CEP152: variants seen among roughly 807,000 people sequenced by gnomAD.
CEP152 encodes centrosomal protein of 152 kDa.
A neutral mutation model predicts 188.9 loss-of-function variants in CEP152; 132 were observed. The ratio of observed to expected loss-of-function variants is 0.70; its 90% CI spans 0.61 to 0.81. The LOEUF is 0.81. CEP152 is among the 30% of genes least tolerant of loss of function. The probability of loss-of-function intolerance (pLI) is 0.00; values close to 1 mark genes in which losing one functional copy is unlikely to be tolerated. For synonymous variants in CEP152, 649 were observed against 666.6 expected (o/e 0.97, Z 0.41); for missense variants, 1,914 against 1,969.8 (o/e 0.97, Z 0.54).
chr15:48,791,731 A>C (rs1163257769), intron 7 of CEP152, among the ~76,000 whole-genome samples: 2 of 151,780 alleles, frequency 1.3e-5, no homozygotes, highest in African/African-American at 4.8e-5. Context: ...TGGCCAGGCT[A>C]GTCTCGAACT....
At chr15:48,809,736 A>G (rs1898207984) in intron 1 of CEP152, among the ~76,000 whole-genome samples, 1 of 152,258 alleles carries the variant, frequency 6.6e-6, no homozygotes, top group African/African-American at 2.4e-5. Flanking sequence ...TAAAGTAATT[A>G]GCACTATGTA....
In CEP152 at chr15:48,766,729, G is replaced by A. The variant is rs146869435; in HGVS notation, c.2280+331C>T. On this transcript the variant is annotated intron_variant, in intron 17 of 26. Coordinates refer to ENST00000380950, the MANE Select transcript of CEP152 (RefSeq NM_001194998.2). ...CTCACAGGACTACATAGGGTTTCCTGAACAGTCAACACCGAAAATGAGGAT... is the reference window on the plus strand; with the variant it reads ...CTCACAGGACTACATAGGGTTTCCTAAACAGTCAACACCGAAAATGAGGAT... Among the ~76,000 whole-genome samples, 289 of 150,804 alleles carry A rather than the reference G, an allele frequency of 1.9e-3. 1 individual carries two copies. Among genetic ancestry groups the A allele is most frequent in the African/African-American group, 6.6e-3 (273 of 41,058 alleles).
chr15:48,750,684 C>T (rs907031002), intron 21 of CEP152, among the ~76,000 whole-genome samples: 3 of 152,010 alleles, frequency 2.0e-5, no homozygotes, highest in African/African-American at 7.3e-5. Context: ...AGAGCTATTG[C>T]ATCAACACAG....
rs150910683 is a variant in CEP152, at chr15:48,738,468, T to C, written c.4914A>G (p.Pro1638=). The change falls in exon 27 of 27, where the codon CCA becomes CCG. Residue 1638 remains proline (P), a synonymous_variant. Coordinates refer to ENST00000380950, the MANE Select transcript of CEP152 (RefSeq NM_001194998.2). ...AATACGTGGTTTCTTCTGACAGGTA[T>C]GGAGTTTGATAACGCTGACATTTCA... is the stretch of plus-strand genomic sequence containing the variant. ...QTMKCQRYQT[P]YLSEETTYLE... 7.9e-4 allele frequency: 1,277 copies of C among 1,614,240 alleles called. 5 individuals carry two copies. In the African/African-American group the frequency reaches 0.015, roughly 19 times the overall value.
chr15:48,765,220 A>T (rs1457551293), intron 17 of CEP152, among the ~76,000 whole-genome samples: 2 of 152,182 alleles, frequency 1.3e-5, no homozygotes, highest in Non-Finnish European at 2.9e-5. Flanking sequence ...GAGGAGTGTA[A>T]CCACAAAAAG....
At chr15:48,730,159 G>C (rs79760845) in intron 2 of CEP152, among the ~76,000 whole-genome samples, 1 of 152,112 alleles carries the variant, frequency 6.6e-6, no homozygotes. Flanking sequence ...CTCCCATTCC[G>C]CTCCCCAGCT....
At chr15:48,778,857 G>A (rs1457758813) in intron 12 of CEP152, among the ~76,000 whole-genome samples, 1 of 151,760 alleles carries the variant, frequency 6.6e-6, no homozygotes, top group Non-Finnish European at 1.5e-5. Flanking sequence ...GCTGAGGCAG[G>A]AGAATTGCTT....
At chr15:48,805,685 T>C (rs1897943623) in intron 1 of CEP152, 29 bp from the exon 2 acceptor site, 2 of 1,613,256 alleles carry the variant, frequency 1.2e-6, no homozygotes, top group South Asian at 2.2e-5. Context: ...GTTTGGTTTC[T>C]GGACACCACA....
intron 21 of CEP152, among the ~76,000 whole-genome samples, chr15:48,749,048 T>C (rs1307000324): frequency 6.6e-6 from 1 of 152,054 alleles, no homozygotes. Context: ...CACAAGGACA[T>C]AGGAGCCAGT....
chr15:48,760,309 A>C, intron 18 of CEP152, 43 bp from the exon 19 acceptor site: 2 of 1,611,044 alleles, frequency 1.2e-6, no homozygotes, highest in Non-Finnish European at 1.7e-6. Flanking sequence ...GAAGTATAAA[A>C]CTTAAAAAAG....
chr15:48,781,076 A>C lies in CEP152; in HGVS notation c.1577+120T>G. The C allele has an allele frequency of 2.3e-6, 2 of 866,614 alleles. 1 individual carries two copies. Among genetic ancestry groups the C allele is most frequent in the South Asian group, 2.9e-5 (2 of 67,932 alleles). 53.7% of individuals were successfully genotyped at this position (866,614 alleles called of 1,614,324 possible). A position where few individuals can be genotyped will look rare whatever the true frequency, so the allele number is the denominator to read the frequency against. ...TCACTGATAAATGCAAGGTATCTGC[A>C]TTCAATACACAGTGTTAACATATGA... On this transcript the variant is annotated intron_variant, in intron 12 of 26. Coordinates refer to ENST00000380950, the MANE Select transcript of CEP152 (RefSeq NM_001194998.2).
At chr15:48,801,820 G>A (rs1011209964) in intron 2 of CEP152, among the ~76,000 whole-genome samples, 1 of 152,212 alleles carries the variant, frequency 6.6e-6, no homozygotes, top group Admixed American at 6.5e-5. Flanking sequence ...GGGGCTGGGT[G>A]CAGTGGCTCA....
downstream of CEP152, among the ~76,000 whole-genome samples, chr15:48,736,610 G>A (rs918639504): frequency 1.3e-5 from 2 of 151,980 alleles, no homozygotes; most frequent in Admixed American, 1.3e-4. Flanking sequence ...AATAGAATTA[G>A]GTTACCTTGT....
rs1341835478 is a variant in CEP152, at chr15:48,738,408, G to C, written c.4974C>G (p.His1658Gln). The change falls in exon 27 of 27, where the codon CAC becomes CAG. Residue 1658 changes from histidine to glutamine, a missense_variant. By Grantham distance (24) the His-to-Gln change is conservative. Coordinates refer to ENST00000380950, the MANE Select transcript of CEP152 (RefSeq NM_001194998.2). Reference protein sequence around the residue: ...EPGKISVNCGHPSRHKADRLK... With the variant: ...EPGKISVNCGQPSRHKADRLK... ...ATCTATCAGCCTTATGACGAGATGG[G>C]TGTCCACAATTCACACTGATCTTTC... is the stretch of plus-strand genomic sequence containing the variant. 1 of 1,614,170 alleles carries C rather than the reference G, an allele frequency of 6.2e-7. No individual in the cohort carries two copies.
At chr15:48,731,818 G>A (rs1409423847) in intron 2 of CEP152, among the ~76,000 whole-genome samples, 1 of 152,022 alleles carries the variant, frequency 6.6e-6, no homozygotes, top group African/African-American at 2.4e-5. Context: ...AGATTTACAA[G>A]GAACTTAAAC....
intron 20 of CEP152, among the ~76,000 whole-genome samples, chr15:48,753,777 T>C (rs192701624): frequency 1.3e-5 from 2 of 152,340 alleles, no homozygotes; most frequent in African/African-American, 4.8e-5. Context: ...CCATTTGATA[T>C]TTGTTTTATC....
chr15:48,805,402 C>G, intron 2 of CEP152, 161 bp downstream of exon 2: 1 of 885,548 alleles, frequency 1.1e-6, no homozygotes, highest in Non-Finnish European at 1.6e-6. Flanking sequence ...CACTTATTCA[C>G]CTTTTCAGTC....
At position 48,781,344 on chromosome 15, in the gene CEP152, G is replaced by A. The variant is rs1182257655; in HGVS notation, c.1429C>T (p.Leu477=). Residue 477 remains leucine (L), a synonymous_variant, in exon 12 of 27, where the codon CTA becomes TTA. Transcript: ENST00000380950. ...TCATAGAGAGAAATTTCATCTTTTAGTTCTGTTAATTCTTCCTACAACACA... is the reference window on the plus strand; with the variant it reads ...TCATAGAGAGAAATTTCATCTTTTAATTCTGTTAATTCTTCCTACAACACA... The part of the protein sequence containing the change: ...NKALQEELTE[L]KDEISLYESA... 6.2e-7 allele frequency: 1 copy of A among 1,605,938 alleles called. No homozygotes were observed.
chr15:48,768,969 T>C lies in CEP152; in HGVS notation c.1895A>G (p.Gln632Arg). The stretch of plus-strand genomic sequence containing the variant: ...ATTTTTAATCACCTGATTTTGTTGT[T>C]GTAAAACTTGAATTTCATTTTTAAG... ...LLLKNEIQVL[Q>R]QQNQELKETE... The change falls in exon 14 of 27, where the codon CAA (glutamine) becomes CGA (arginine). Residue 632 changes from glutamine (Q) to arginine (R), a missense_variant. By Grantham distance (43) the Gln-to-Arg change is conservative. Coordinates refer to ENST00000380950, the MANE Select transcript of CEP152 (RefSeq NM_001194998.2). 1 of 1,549,026 alleles carries C rather than the reference T, an allele frequency of 6.5e-7. No individual in the cohort carries two copies. The highest frequency in any genetic ancestry group is 8.9e-7 in the Non-Finnish European group (1 of 1,127,468).
Sources: allele counts gnomAD v4.1 joint callset (sites outside exome capture counted in the v4.1 genomes callset), GRCh38; gene constraint gnomAD v4.1.1; transcripts MANE v1.5; gene names NCBI Gene and HGNC (gene_info 2026-07-23, HGNC 2026-07-21).